The following FREM2 variants were observed in gnomAD, a reference collection of about 807,000 sequenced individuals.
FREM2 encodes the protein FRAS1 related extracellular matrix 2, also known as FRAS1-related extracellular matrix protein 2.
In FREM2, 119 loss-of-function variants were observed where a neutral mutation model predicts 219.9. The ratio of observed to expected loss-of-function variants is 0.54; its 90% confidence interval spans 0.47 to 0.63. The LOEUF is 0.63. Ranked by LOEUF, FREM2 falls within the 30% of genes least tolerant of loss-of-function variation. The pLI is 0.00. For synonymous variants in FREM2, 1,562 were observed against 1,522.8 expected, an observed-to-expected ratio of 1.03 and a Z score of -0.60; for missense variants, 4,030 against 3,993.6, an observed-to-expected ratio of 1.01 and a Z score of -0.25.
intron 2 of FREM2, among the ~76,000 whole-genome samples, chr13:38,719,493 T>C (rs1871140208): frequency 1.3e-5 from 2 of 152,120 alleles, no homozygotes; most frequent in Admixed American, 1.3e-4. Context: ...AGTGCTGGGA[T>C]TTCAGGCGTG....
In FREM2 at chr13:38,687,995, C is replaced by T. The variant is rs774160840; in HGVS notation, c.651C>T (p.Arg217=). ...TCCAGCCCGAGACAGAGGAGTGCCG[C>T]GTGGGCATCCTGTCCGGCTTGGGCG... is the stretch of plus-strand genomic sequence containing the variant. The part of the protein sequence containing the change: ...FAFQPETEEC[R]VGILSGLGAL... The change falls in exon 1 of 24, where the codon CGC becomes CGT. Residue 217 remains arginine, a synonymous_variant. Transcript: ENST00000280481. 1 of 1,612,552 alleles carries T rather than the reference C, an allele frequency of 6.2e-7. No homozygotes were observed. Among genetic ancestry groups the T allele is most frequent in the African/African-American group, 1.3e-5 (1 of 75,044 alleles).
Position 38,716,033 on chromosome 13 carries a change from C to T in FREM2, c.5263+18246C>T, listed in dbSNP as rs1046163131. ...GAGTTGATTTACGCCAGAGTATAAG[C>T]AAGAAGGCAAATGATTTATTTTACT... On this transcript the variant is annotated intron_variant, in intron 2 of 23. Coordinates refer to ENST00000280481, the MANE Select transcript of FREM2 (RefSeq NM_207361.6). 2.0e-5 allele frequency among the ~76,000 whole-genome samples: 3 copies of T among 151,966 alleles called. No individual in the cohort carries two copies. The South Asian group carries it at 6.2e-4, about 32-fold the overall frequency.
chr13:38,687,120 G>GC lies in FREM2; in HGVS notation c.-225_-224insC. On this transcript the variant is annotated 5_prime_UTR_variant, in exon 1 of 24. Transcript: ENST00000280481. ...TTCTCCGCGCGATTGAGGCGCTAGC[G>GC]GCGGAGCTGGACGGCCTGGGAAGGC... 1 of 599,634 alleles carries GC rather than the reference G, an allele frequency of 1.7e-6. No individual in the cohort carries two copies. The allele number at this position is 599,634 out of a possible 1,614,324, so 37.1% of individuals were successfully genotyped here.
At chr13:38,844,584 T>A (rs1485088124) in intron 6 of FREM2, among the ~76,000 whole-genome samples, 1 of 152,214 alleles carries the variant, frequency 6.6e-6, no homozygotes, top group African/African-American at 2.4e-5. Context: ...ATTCACTCAT[T>A]TGATTTTATT....
At chr13:38,701,148 T>C (rs2138083234) in intron 2 of FREM2, among the ~76,000 whole-genome samples, 1 of 152,218 alleles carries the variant, frequency 6.6e-6, no homozygotes, top group Admixed American at 6.5e-5. Flanking sequence ...AAAATGATTA[T>C]TTTATAATGC....
At position 38,783,212 on chromosome 13, in the gene FREM2, A is replaced by G. The variant is rs369374308; in HGVS notation, c.5767+17A>G. The G allele has an allele frequency of 6.2e-7, 1 of 1,613,936 alleles. No homozygotes were observed. The highest frequency in any genetic ancestry group is 8.5e-7 in the Non-Finnish European group (1 of 1,179,802). On this transcript the variant is annotated intron_variant, in intron 5 of 23. Transcript: ENST00000280481. ...CCCAACAAGGTAGCTCGATTTGCCG[A>G]AAAACTAAGATAACCCCCAAAAGAT...
Position 38,872,732 on chromosome 13 carries a change from G to A in FREM2, c.7984-10G>A, listed in dbSNP as rs9532295. The stretch of plus-strand genomic sequence containing the variant: ...GAGTCATGTTGATTGATGTAATTTT[G>A]TTGTTTTAGGTCCTAAACCTAGTGC... On this transcript the variant is annotated splice_polypyrimidine_tract_variant and intron_variant, in intron 16 of 23. Coordinates refer to ENST00000280481, the MANE Select transcript of FREM2 (RefSeq NM_207361.6). 0.15 allele frequency: 246,323 copies of A among 1,611,038 alleles called. 21,966 individuals are homozygous for A. The highest frequency in any genetic ancestry group is 0.35 in the Admixed American group (20,796 of 59,918).
intron 2 of FREM2, among the ~76,000 whole-genome samples, chr13:38,736,741 G>A (rs1298759551): frequency 6.6e-6 from 1 of 152,104 alleles, no homozygotes; most frequent in Non-Finnish European, 1.5e-5. Context: ...AAATCATCAT[G>A]TAAAGAAATT....
chr13:38,775,607 G>A (rs552742752), intron 4 of FREM2, among the ~76,000 whole-genome samples: 10 of 152,182 alleles, frequency 6.6e-5, no homozygotes, highest in Admixed American at 1.3e-4. Flanking sequence ...AAAGATTACC[G>A]AAAGATTCAC....
In FREM2 at chr13:38,689,631, T is replaced by G; in HGVS notation, c.2287T>G (p.Leu763Val). 6.2e-7 allele frequency: 1 copy of G among 1,614,032 alleles called. No individual in the cohort carries two copies. ...HLPAPLGTLV[L>V]TDNPSVVVTH... is the part of the protein sequence containing the mutation. ...GCCAGCCCCACTGGGTACCTTGGTC[T>G]TGACTGACAACCCCTCAGTCGTGGT... The change falls in exon 1 of 24, where the codon TTG (leucine) becomes GTG (valine). Residue 763 changes from leucine to valine, a missense_variant. Leu to Val is a conservative substitution (Grantham distance 32). This residue lies in a region of FREM2 where 3,102 missense variants were observed against 2,950.7 expected (regional missense o/e 1.05). Coordinates refer to ENST00000280481, the MANE Select transcript of FREM2 (RefSeq NM_207361.6).
chr13:38,781,820 C>T (rs909389989), intron 4 of FREM2, among the ~76,000 whole-genome samples: 2 of 152,150 alleles, frequency 1.3e-5, no homozygotes, highest in Admixed American at 1.3e-4. Context: ...AGAGCAGCCC[C>T]ATCACCACCT....
intron 11 of FREM2, among the ~76,000 whole-genome samples, chr13:38,854,506 C>T (rs1447083344): frequency 6.6e-6 from 1 of 152,004 alleles, no homozygotes. Flanking sequence ...CAGGAAGGTG[C>T]CAAAAAACTC....
chr13:38,812,007 G>T (rs753126822), intron 6 of FREM2, among the ~76,000 whole-genome samples: 1 of 151,932 alleles, frequency 6.6e-6, no homozygotes, highest in African/African-American at 2.4e-5. Context: ...TACAATTATT[G>T]TATCTTCTTA....
Position 38,856,275 on chromosome 13 carries a change from A to G in FREM2, c.7056+19A>G. The G allele has an allele frequency of 6.2e-7, 1 of 1,606,914 alleles. No homozygotes were observed. The highest frequency in any genetic ancestry group is 8.5e-7 in the Non-Finnish European group (1 of 1,174,620). ...GATGCAGGTAAGTAATGTAATGTGT[A>G]TGTAAATTCATGGCTAGCAGTTTGT... On this transcript the variant is annotated intron_variant, in intron 12 of 23. Transcript: ENST00000280481.
chr13:38,859,326 T>C lies in FREM2; in HGVS notation c.7255T>C (p.Ser2419Pro), dbSNP rs1877672142. ...PKYSDYDKTG[S>P]ICASENINDT... The stretch of plus-strand genomic sequence containing the variant: ...ATATTCAGACTACGATAAAACAGGC[T>C]CTATCTGTGCAAGTGAGAACATCAA... Residue 2419 changes from serine (S) to proline (P), a missense_variant, in exon 14 of 24, where the codon TCT becomes CCT. Around this residue, in one of 2 missense-constraint regions of FREM2, gnomAD observed 928 missense variants for 1,042.9 expected, o/e 0.89. Coordinates refer to ENST00000280481, the MANE Select transcript of FREM2 (RefSeq NM_207361.6). 1 of 1,614,068 alleles carries C rather than the reference T, an allele frequency of 6.2e-7. No individual in the cohort carries two copies. Among genetic ancestry groups the C allele is most frequent in the Admixed American group, 1.7e-5 (1 of 60,000 alleles).
At chr13:38,832,466 A>G (rs1448792770) in intron 6 of FREM2, among the ~76,000 whole-genome samples, 3 of 152,132 alleles carry the variant, frequency 2.0e-5, no homozygotes, top group Admixed American at 6.6e-5. Context: ...TAGCAAAGGA[A>G]GTGAAATTTC....
chr13:38,730,738 G>A (rs1280153945), intron 2 of FREM2, among the ~76,000 whole-genome samples: 2 of 152,036 alleles, frequency 1.3e-5, no homozygotes, highest in African/African-American at 4.8e-5. Flanking sequence ...ACTGTGATTT[G>A]TCATTTAGAC....
intron 2 of FREM2, among the ~76,000 whole-genome samples, chr13:38,726,949 G>A (rs1871553032): frequency 6.6e-6 from 1 of 152,164 alleles, no homozygotes; most frequent in Admixed American, 6.5e-5. Flanking sequence ...CAAGTTGCCA[G>A]GTACTTTAAT....
At chr13:38,780,448 G>A (rs1874076152) in intron 4 of FREM2, among the ~76,000 whole-genome samples, 2 of 152,168 alleles carry the variant, frequency 1.3e-5, no homozygotes, top group Non-Finnish European at 2.9e-5. Flanking sequence ...ATGATCGCTT[G>A]CCTGCATGGT....
Sources: gnomAD v4.1 joint callset for allele counts (sites outside exome capture counted in the v4.1 genomes callset) on GRCh38, gnomAD v4.1.1 for gene constraint, gnomAD v4.1.1 regional missense constraint, MANE v1.5 for transcripts, NCBI Gene and HGNC (gene_info 2026-07-23, HGNC 2026-07-21) for gene names.